Variants in MSH3 observed in about 807,000 individuals in gnomAD.
The protein encoded by MSH3 is DNA mismatch repair protein Msh3.
MSH3 carries 106 observed loss-of-function variants against 123.3 expected under a neutral mutation model. That is an observed-to-expected ratio of 0.86 (90% CI 0.73 to 1.01). The LOEUF (loss-of-function observed/expected upper bound fraction) is 1.01, where lower values mean the gene tolerates loss of function less well. Ranked by LOEUF, MSH3 falls within the 50% of genes least tolerant of loss-of-function variation. The pLI, the probability that MSH3 is intolerant of heterozygous loss-of-function variation, is 0.00. For missense variants in MSH3, 1,459 were observed against 1,347.6 expected, an observed-to-expected ratio of 1.08 and a Z score of -1.29; for synonymous variants, 515 against 481.4, an observed-to-expected ratio of 1.07 and a Z score of -0.91.
At chr5:80,677,756 T>A (rs1749874894) in intron 7 of MSH3, among the ~76,000 whole-genome samples, 1 of 152,210 alleles carries the variant, frequency 6.6e-6, no homozygotes, top group South Asian at 2.1e-4. Context: ...AAATATAGTG[T>A]GTGTATTCTT....
chr5:80,663,776 A>T (rs1749500197), intron 2 of MSH3, among the ~76,000 whole-genome samples: 1 of 140,240 alleles, frequency 7.1e-6, no homozygotes, highest in South Asian at 2.4e-4. Context: ...GGAAAATTTT[A>T]AACTATTTTT....
intron 11 of MSH3, among the ~76,000 whole-genome samples, chr5:80,744,169 AG>A (rs2112868610): frequency 6.6e-6 from 1 of 152,372 alleles, no homozygotes; most frequent in African/African-American, 2.4e-5. Flanking sequence ...GAAATACCAA[AG>A]GAAAATTAAG....
At chr5:80,724,455 C>G (rs913928783) in intron 8 of MSH3, among the ~76,000 whole-genome samples, 7 of 151,956 alleles carry the variant, frequency 4.6e-5, no homozygotes, top group Non-Finnish European at 8.8e-5. Flanking sequence ...AAGATTCATT[C>G]TAGGCTGTTA....
At chr5:80,693,622 T>TAC (rs1278165935) in intron 8 of MSH3, among the ~76,000 whole-genome samples, 119 of 96,360 alleles carry the variant, frequency 1.2e-3, no homozygotes, top group South Asian at 4.0e-3. Flanking sequence ...CACACACACA[T>TAC]ATACACACAC....
chr5:80,692,038 TTAGATAGATAAACATGTATATGTTTAGA>T (rs1561444556), intron 8 of MSH3, among the ~76,000 whole-genome samples: 1 of 64,338 alleles, frequency 1.6e-5, no homozygotes, highest in African/African-American at 5.6e-5. Flanking sequence ...AACAGTATGT[TTAGATAGATAAACATGTATATGTTTAGA>T]TAGATAGATA....
intron 11 of MSH3, 117 bp downstream of exon 11, chr5:80,741,665 G>A (rs1169080316): frequency 1.5e-5 from 11 of 751,764 alleles, no homozygotes; most frequent in Admixed American, 8.0e-5. Context: ...GCTGACTGCA[G>A]TATTAATTGA....
At chr5:80,670,837 G>T (rs1462746347) in intron 4 of MSH3, among the ~76,000 whole-genome samples, 1 of 152,124 alleles carries the variant, frequency 6.6e-6, no homozygotes, top group Non-Finnish European at 1.5e-5. Flanking sequence ...AATTGGGATT[G>T]TGCCAGGTGT....
At chr5:80,729,718 A>G (rs957051123) in intron 10 of MSH3, among the ~76,000 whole-genome samples, 1 of 152,086 alleles carries the variant, frequency 6.6e-6, no homozygotes, top group African/African-American at 2.4e-5. Flanking sequence ...GGATTTTGGA[A>G]ATTTAAAAGC....
intron 3 of MSH3, among the ~76,000 whole-genome samples, chr5:80,668,675 A>G (rs1749625058): frequency 6.6e-6 from 1 of 152,114 alleles, no homozygotes; most frequent in Middle Eastern, 3.2e-3. Flanking sequence ...GAGCCTGCAG[A>G]GGGAGGGGGA....
chr5:80,841,731 T>G (rs543166555), intron 20 of MSH3, among the ~76,000 whole-genome samples: 11 of 152,220 alleles, frequency 7.2e-5, no homozygotes, highest in Non-Finnish European at 1.6e-4. Context: ...TCATATCCTT[T>G]GCCCACTTTT....
At chr5:80,733,518 A>G (rs1346921484) in intron 10 of MSH3, among the ~76,000 whole-genome samples, 1 of 152,166 alleles carries the variant, frequency 6.6e-6, no homozygotes, top group Non-Finnish European at 1.5e-5. Context: ...AAAGAACACC[A>G]TCAAGAAAGT....
At chr5:80,847,091 G>A (rs1252982929) in intron 20 of MSH3, among the ~76,000 whole-genome samples, 3 of 151,808 alleles carry the variant, frequency 2.0e-5, no homozygotes, top group Non-Finnish European at 2.9e-5. Flanking sequence ...ACAGATTCTC[G>A]CTCTCTTGCC....
intron 19 of MSH3, among the ~76,000 whole-genome samples, chr5:80,795,778 C>T (rs953388836): frequency 6.6e-6 from 1 of 151,816 alleles, no homozygotes; most frequent in Admixed American, 6.6e-5. Flanking sequence ...TTTGAGAGGC[C>T]GAGGCAGGAG....
rs1465875645 is a variant in MSH3, at chr5:80,654,806, T to G, written c.79T>G (p.Phe27Val). The change falls in exon 1 of 24, where the codon TTC (phenylalanine) becomes GTC (valine). Residue 27 changes from phenylalanine (F) to valine (V), a missense_variant. Coordinates refer to ENST00000265081, the MANE Select transcript of MSH3 (RefSeq NM_002439.5). ...TGCGAGGCAAGCGGTTTTGAGCCGA[T>G]TCTTCCAGTCTACGGGAAGCCTGAA... ...APARQAVLSRFFQSTGSLKST... is the reference protein window; with the variant it reads ...APARQAVLSRVFQSTGSLKST... 6.2e-7 allele frequency: 1 copy of G among 1,606,886 alleles called. No homozygotes were observed. Among genetic ancestry groups the G allele is most frequent in the African/African-American group, 1.4e-5 (1 of 73,594 alleles).
intron 2 of MSH3, among the ~76,000 whole-genome samples, chr5:80,657,394 T>A (rs1466971956): frequency 6.6e-6 from 1 of 152,160 alleles, no homozygotes; most frequent in Non-Finnish European, 1.5e-5. Context: ...TGAGCCAAGA[T>A]TGTGCCACTG....
intron 7 of MSH3, among the ~76,000 whole-genome samples, chr5:80,676,940 C>T (rs565829321): frequency 7.2e-5 from 11 of 152,192 alleles, no homozygotes; most frequent in Non-Finnish European, 1.0e-4. Flanking sequence ...ATGAAAACAG[C>T]CGTTTGCCCT....
chr5:80,761,787 C>A, intron 13 of MSH3, 109 bp downstream of exon 13: 1 of 1,235,352 alleles, frequency 8.1e-7, no homozygotes, highest in East Asian at 2.5e-5. Flanking sequence ...TTTGTAAAAT[C>A]TTACAAATAG....
chr5:80,810,516 G>C (rs1413759659), intron 19 of MSH3, among the ~76,000 whole-genome samples: 1 of 152,008 alleles, frequency 6.6e-6, no homozygotes, highest in African/African-American at 2.4e-5. Context: ...TTTCCATATT[G>C]CTCTCCATAT....
At chr5:80,812,789 C>T (rs1745031665) in intron 19 of MSH3, among the ~76,000 whole-genome samples, 1 of 151,988 alleles carries the variant, frequency 6.6e-6, no homozygotes, top group African/African-American at 2.4e-5. Flanking sequence ...GAACTCCTGG[C>T]CTCAAGCGAT....
Sources: allele counts gnomAD v4.1 joint callset (sites outside exome capture counted in the v4.1 genomes callset), GRCh38; gene constraint gnomAD v4.1.1; transcripts MANE v1.5; gene names NCBI Gene and HGNC (gene_info 2026-07-23, HGNC 2026-07-21).